SLCO1C1: variants seen among roughly 807,000 people sequenced by gnomAD.
SLCO1C1 encodes OAT-RP-5.
In SLCO1C1, 70 loss-of-function variants were observed where a neutral mutation model predicts 76.4. That is an observed-to-expected ratio of 0.92 (90% confidence interval 0.76 to 1.12). The LOEUF (loss-of-function observed/expected upper bound fraction) is 1.12, where lower values mean the gene tolerates loss of function less well. Ranked by LOEUF, SLCO1C1 falls within the 50% of genes most tolerant of loss-of-function variation. The pLI is 0.00. For synonymous variants in SLCO1C1, 306 were observed against 286.1 expected, an observed-to-expected ratio of 1.07 and a Z score of -0.70; for missense variants, 912 against 823.8, an observed-to-expected ratio of 1.11 and a Z score of -1.31.
chr12:20,705,305 T>A (rs369949054), intron 3 of SLCO1C1, among the ~76,000 whole-genome samples: 1 of 152,028 alleles, frequency 6.6e-6, no homozygotes, highest in South Asian at 2.1e-4. Context: ...TTGTATTTCA[T>A]AAAATTTGCT....
At chr12:20,735,094 CTGA>C (rs1948478385) in intron 10 of SLCO1C1, among the ~76,000 whole-genome samples, 1 of 152,134 alleles carries the variant, frequency 6.6e-6, no homozygotes. Flanking sequence ...ATTCCTGCCC[CTGA>C]TGATAAATTA....
intron 12 of SLCO1C1, among the ~76,000 whole-genome samples, chr12:20,742,495 C>A (rs893239679): frequency 6.6e-6 from 1 of 151,874 alleles, no homozygotes; most frequent in Non-Finnish European, 1.5e-5. Context: ...TAATGACACT[C>A]TTATTATTTA....
chr12:20,724,709 G>A (rs373357083), intron 9 of SLCO1C1, among the ~76,000 whole-genome samples: 2 of 147,936 alleles, frequency 1.4e-5, no homozygotes, highest in African/African-American at 2.5e-5. Flanking sequence ...ATTGTGCATA[G>A]CAGTGGTACA....
intron 1 of SLCO1C1, chr12:20,696,869 C>A (rs1487029905): frequency 6.6e-6 from 1 of 152,078 alleles, no homozygotes; most frequent in Non-Finnish European, 1.5e-5. Context: ...ACTACACTTG[C>A]AATAATTTGC....
At chr12:20,709,335 A>T (rs1946942564) in intron 4 of SLCO1C1, among the ~76,000 whole-genome samples, 1 of 152,176 alleles carries the variant, frequency 6.6e-6, no homozygotes, top group South Asian at 2.1e-4. Context: ...AGCAATTAGT[A>T]ACAAAAGTGG....
At chr12:20,705,356 G>C (rs1946722687) in intron 3 of SLCO1C1, among the ~76,000 whole-genome samples, 2 of 151,854 alleles carry the variant, frequency 1.3e-5, no homozygotes, top group Admixed American at 6.6e-5. Context: ...ATGTACACCT[G>C]AAGTCGCCTA....
Position 20,733,100 on chromosome 12 carries a change from C to T in SLCO1C1, c.1378C>T (p.Gln460Ter), listed in dbSNP as rs1463055091. 3 of 1,571,420 alleles carry T rather than the reference C, an allele frequency of 1.9e-6. No individual in the cohort carries two copies. The highest frequency in any genetic ancestry group is 2.6e-6 in the Non-Finnish European group (3 of 1,163,058). ...TGTGGCAGGACTAACTGTCTCCTAC[C>T]AAGGGTATGTTCCCTCATTAAATAG... ...SDVAGLTVSY[Q>*]GTKPVSYHER... The change falls in exon 10 of 15, where the codon CAA becomes TAA. Residue 460 changes from glutamine (Q) to a stop codon, truncating the protein, a stop_gained. Coordinates refer to ENST00000266509, the MANE Select transcript of SLCO1C1 (RefSeq NM_017435.5). LOFTEE classifies it high-confidence loss of function.
intron 11 of SLCO1C1, among the ~76,000 whole-genome samples, chr12:20,739,526 C>T (rs1008241017): frequency 1.1e-4 from 16 of 151,676 alleles, no homozygotes; most frequent in Admixed American, 1.3e-4. Flanking sequence ...ATAGCAGGGC[C>T]GTGAGGCATG....
intron 14 of SLCO1C1, 56 bp from the exon 15 acceptor site, chr12:20,752,250 T>A (rs917919877): frequency 1.3e-5 from 16 of 1,206,052 alleles, no homozygotes; most frequent in African/African-American, 3.0e-5. Flanking sequence ...ACCTTTTAAA[T>A]TTTCTTTCAA....
intron 4 of SLCO1C1, among the ~76,000 whole-genome samples, chr12:20,711,060 G>T (rs952299218): frequency 6.6e-6 from 1 of 152,020 alleles, no homozygotes; most frequent in African/African-American, 2.4e-5. Context: ...AACAACAGTT[G>T]ATGAGCTAAA....
At chr12:20,742,089 A>G (rs1948840392) in intron 12 of SLCO1C1, among the ~76,000 whole-genome samples, 1 of 152,232 alleles carries the variant, frequency 6.6e-6, no homozygotes, top group Non-Finnish European at 1.5e-5. Flanking sequence ...AATATGGGAA[A>G]TACAACATGG....
rs765568401 is a variant in SLCO1C1, at chr12:20,743,292, T to C, written c.1734-13T>C. 13 of 1,610,868 alleles carry C rather than the reference T, an allele frequency of 8.1e-6. No homozygotes were observed. Among genetic ancestry groups the C allele is most frequent in the Non-Finnish European group, 1.1e-5 (13 of 1,177,926 alleles). ...TTATATATTTCTTGTAATGGTGCTT[T>C]TGTTGATTTTAGGTGCATTAAGCCA... On this transcript the variant is annotated splice_polypyrimidine_tract_variant and intron_variant, in intron 12 of 14. Transcript: ENST00000266509.
chr12:20,751,066 T>C (rs1255573561), intron 14 of SLCO1C1, among the ~76,000 whole-genome samples: 1 of 152,154 alleles, frequency 6.6e-6, no homozygotes, highest in Non-Finnish European at 1.5e-5. Flanking sequence ...ATTTTGAAAG[T>C]TTATGCACAC....
chr12:20,743,586 T>C (rs967646130), intron 13 of SLCO1C1, among the ~76,000 whole-genome samples: 4 of 152,184 alleles, frequency 2.6e-5, no homozygotes, highest in African/African-American at 7.2e-5. Flanking sequence ...GTGTTCCAGA[T>C]ACAACAGAGA....
chr12:20,718,512 A>C (rs75572286), intron 7 of SLCO1C1, among the ~76,000 whole-genome samples: 1 of 152,214 alleles, frequency 6.6e-6, no homozygotes, highest in Non-Finnish European at 1.5e-5. Context: ...CTTGCTTCAT[A>C]TCTAGAATAG....
chr12:20,719,447 T>C (rs1428815462), intron 7 of SLCO1C1, among the ~76,000 whole-genome samples: 1 of 152,148 alleles, frequency 6.6e-6, no homozygotes, highest in Non-Finnish European at 1.5e-5. Flanking sequence ...GAGGAAGGCA[T>C]GTTGAATGCC....
At chr12:20,710,916 G>A (rs12368457) in intron 4 of SLCO1C1, among the ~76,000 whole-genome samples, 5,171 of 152,114 alleles carry the variant, frequency 0.034, 149 homozygotes, top group Middle Eastern at 0.099. Flanking sequence ...AGCCTCTATG[G>A]GTACTTTTTA....
At chr12:20,736,399 G>A (rs548571597) in intron 10 of SLCO1C1, among the ~76,000 whole-genome samples, 138 of 152,068 alleles carry the variant, frequency 9.1e-4, no homozygotes, top group African/African-American at 3.3e-3. Context: ...CCCGGAGCTA[G>A]CACTTAGTAG....
At chr12:20,746,742 A>G (rs1179278881) in intron 13 of SLCO1C1, among the ~76,000 whole-genome samples, 1 of 152,196 alleles carries the variant, frequency 6.6e-6, no homozygotes, top group Non-Finnish European at 1.5e-5. Flanking sequence ...ATGATAGGGG[A>G]ATCAATTAAA....
Sources: allele counts gnomAD v4.1 joint callset (sites outside exome capture counted in the v4.1 genomes callset), GRCh38; gene constraint gnomAD v4.1.1; transcripts MANE v1.5; gene names NCBI Gene and HGNC (gene_info 2026-07-23, HGNC 2026-07-21).